Variants in PLB1 observed in about 807,000 individuals in gnomAD.
The protein encoded by PLB1 is phospholipase B1, membrane-associated.
Under a neutral mutation model 227.4 loss-of-function variants are expected in PLB1, and 242 were observed. The observed-to-expected ratio is 1.06, with a 90% CI of 0.96 to 1.18. The LOEUF is 1.18. Among genes scored for constraint, PLB1 ranks in the 50% most tolerant of loss-of-function variants. PLB1 has a pLI of 0.00. For synonymous variants in PLB1, 757 were observed against 682.2 expected (o/e 1.11, Z -1.71); for missense variants, 1,858 against 1,816.3 (o/e 1.02, Z -0.42).
At chr2:28,628,432 T>G (rs1297031475) in intron 51 of PLB1, 131 bp from the exon 52 acceptor site, 1 of 728,996 alleles carries the variant, frequency 1.4e-6, no homozygotes, top group Non-Finnish European at 2.4e-6. Context: ...CTTCTCAGTT[T>G]GACCAGGACC....
chr2:28,595,165 A>G (rs1682699857), intron 33 of PLB1: 1 of 152,214 alleles, frequency 6.6e-6, no homozygotes, highest in African/African-American at 2.4e-5. Flanking sequence ...TTCTGCAGCG[A>G]TGGGAAAATT....
chr2:28,528,740 G>A (rs938042215), intron 6 of PLB1, among the ~76,000 whole-genome samples: 4 of 152,058 alleles, frequency 2.6e-5, no homozygotes, highest in Admixed American at 1.3e-4. Context: ...CATGTAAAGC[G>A]CTTAGGACTG....
intron 12 of PLB1, among the ~76,000 whole-genome samples, chr2:28,540,743 T>C (rs1047961735): frequency 1.3e-5 from 2 of 152,150 alleles, no homozygotes; most frequent in African/African-American, 4.8e-5. Flanking sequence ...ATGCTTTTGG[T>C]CATCAGTGCC....
intron 17 of PLB1, among the ~76,000 whole-genome samples, chr2:28,556,951 A>C (rs964567897): frequency 2.0e-5 from 3 of 152,118 alleles, no homozygotes; most frequent in Non-Finnish European, 4.4e-5. Context: ...GGGTTACAGC[A>C]CTGGGTGGTC....
rs752396685 is a variant in PLB1 at position 28,604,015 on chromosome 2, G to T, written c.2824G>T (p.Ala942Ser). The T allele has an allele frequency of 3.1e-6, 5 of 1,614,238 alleles. No homozygotes were observed. The South Asian group carries it at 5.5e-5, about 18-fold the overall frequency. Residue 942 changes from alanine (A) to serine (S), a missense_variant, in exon 40 of 58, where the codon GCC becomes TCC. Ala to Ser is a moderately conservative substitution (Grantham distance 99). Transcript: ENST00000327757. ...CCTGCGGGAGAACTCCCAAGAGCTAGCCAGGCTGGAGGCCTTCAGCCGAGC... is the reference window on the plus strand; with the variant it reads ...CCTGCGGGAGAACTCCCAAGAGCTATCCAGGCTGGAGGCCTTCAGCCGAGC... ...LTLRENSQEL[A>S]RLEAFSRAYR...
chr2:28,582,037 G>A lies in PLB1; in HGVS notation c.1567-31G>A, dbSNP rs758376561. On this transcript the variant is annotated intron_variant, in intron 23 of 57. Transcript: ENST00000327757. ...TCTGTAGAGAGATTAGGTGACAAAT[G>A]GTGTTCAAGGGACACTTCCTCTTCC... The A allele has an allele frequency of 1.9e-6, 3 of 1,587,232 alleles. No homozygotes were observed. In the Admixed American group the frequency reaches 5.0e-5, roughly 26 times the overall value.
At chr2:28,546,660 G>A (rs2148216069) in intron 14 of PLB1, among the ~76,000 whole-genome samples, 1 of 152,316 alleles carries the variant, frequency 6.6e-6, no homozygotes, top group East Asian at 1.9e-4. Context: ...GGGGATGCAG[G>A]AGAAGAAAGG....
At position 28,582,597 on chromosome 2, in the gene PLB1, C is replaced by G. The variant is rs371910339; in HGVS notation, c.1733+92C>G. Reference sequence around the variant, plus strand: ...CAAATTCCTTAGAAAACCCAAGGGCCGAAGTGTGAAAGGGCTGTGACCACC... The same window carrying G: ...CAAATTCCTTAGAAAACCCAAGGGCGGAAGTGTGAAAGGGCTGTGACCACC... On this transcript the variant is annotated intron_variant, in intron 25 of 57. Transcript: ENST00000327757. The G allele has an allele frequency of 4.3e-5, 43 of 1,010,414 alleles. No individual in the cohort carries two copies. In the East Asian group the frequency reaches 8.1e-4, roughly 19 times the overall value. 62.6% of individuals were successfully genotyped at this position (1,010,414 alleles called of 1,614,324 possible). A position where few individuals can be genotyped will look rare whatever the true frequency, so the allele number is the denominator to read the frequency against.
chr2:28,549,448 G>A (rs1159803411), intron 15 of PLB1, among the ~76,000 whole-genome samples: 3 of 111,628 alleles, frequency 2.7e-5, no homozygotes, highest in Non-Finnish European at 5.0e-5. Context: ...ACGGAGTCTC[G>A]CCCTGTTGCC....
chr2:28,554,967 G>A (rs764039488), intron 17 of PLB1, among the ~76,000 whole-genome samples: 2 of 152,064 alleles, frequency 1.3e-5, no homozygotes, highest in East Asian at 3.9e-4. Flanking sequence ...TAGGCTCCTC[G>A]ATCTGACCAA....
chr2:28,499,989 T>C (rs1014972613), intron 1 of PLB1, among the ~76,000 whole-genome samples: 1 of 126,468 alleles, frequency 7.9e-6, no homozygotes, highest in Non-Finnish European at 1.9e-5. Context: ...TATTCCAAAT[T>C]TGCTAAGAGA....
chr2:28,514,242 G>A (rs1309893285), intron 1 of PLB1, among the ~76,000 whole-genome samples: 1 of 152,116 alleles, frequency 6.6e-6, no homozygotes, highest in Non-Finnish European at 1.5e-5. Flanking sequence ...TCAAAGATCT[G>A]TTGACTCTAT....
At chr2:28,617,604 A>T in intron 44 of PLB1, 123 bp from the exon 45 acceptor site, 1 of 910,902 alleles carries the variant, frequency 1.1e-6, no homozygotes, top group African/African-American at 1.6e-5. Flanking sequence ...CCCTCACATG[A>T]TCCTGTATGG....
chr2:28,605,184 G>T (rs4666107), intron 41 of PLB1, among the ~76,000 whole-genome samples: 1 of 151,956 alleles, frequency 6.6e-6, no homozygotes, highest in Non-Finnish European at 1.5e-5. Context: ...CGTGTGCAAC[G>T]CTGCGGTTAT....
chr2:28,532,613 A>G (rs1289502561), intron 9 of PLB1, among the ~76,000 whole-genome samples: 1 of 152,204 alleles, frequency 6.6e-6, no homozygotes, highest in Non-Finnish European at 1.5e-5. Context: ...ATAGAGGCAT[A>G]GATAAGCTGA....
rs562488893 is a variant in PLB1, at chr2:28,608,420, T to TG, written c.3129+1859dup. ...GCAACAGGCAACAGGCAAGACGCAG[T>TG]GGGGGGCGGGAGGCAGGAGGCCGAG... On this transcript the variant is annotated intron_variant, in intron 43 of 57. Coordinates refer to ENST00000327757, the MANE Select transcript of PLB1 (RefSeq NM_153021.5). Among the ~76,000 whole-genome samples the TG allele has an allele frequency of 4.0e-3, 610 of 152,292 alleles. 2 individuals carry two copies. Among genetic ancestry groups the TG allele is most frequent in the African/African-American group, 0.013 (553 of 41,566 alleles).
chr2:28,570,514 A>G (rs962274044), intron 20 of PLB1, among the ~76,000 whole-genome samples: 6 of 92,944 alleles, frequency 6.5e-5, no homozygotes, highest in Non-Finnish European at 1.4e-4. Context: ...GGCCGGGCGC[A>G]GTGGCTCACG....
At chr2:28,496,565 C>G (rs1475525386) in intron 1 of PLB1, among the ~76,000 whole-genome samples, 2 of 152,170 alleles carry the variant, frequency 1.3e-5, no homozygotes, top group Non-Finnish European at 2.9e-5. Flanking sequence ...TTGATCATTA[C>G]TATTACCATT....
intron 14 of PLB1, 117 bp downstream of exon 14, chr2:28,543,385 T>C: frequency 9.0e-7 from 1 of 1,110,658 alleles, no homozygotes; most frequent in Non-Finnish European, 1.3e-6. Flanking sequence ...GGACAATGGT[T>C]CTGGGCCACC....
Sources: gnomAD v4.1 joint callset for allele counts (sites outside exome capture counted in the v4.1 genomes callset) on GRCh38, gnomAD v4.1.1 for gene constraint, MANE v1.5 for transcripts, NCBI Gene and HGNC (gene_info 2026-07-23, HGNC 2026-07-21) for gene names.